CCDC200: variants seen among roughly 807,000 people sequenced by gnomAD.
The protein encoded by CCDC200 is coiled-coil domain containing 200.
At chr17:43,224,158 GCC>G (rs2057552123) in intron 2 of CCDC200, 74 bp downstream of exon 2, 1 of 152,780 alleles carries the variant, frequency 6.5e-6, no homozygotes, top group Non-Finnish European at 1.5e-5. Context: ...AGGATTTTCT[GCC>G]CACCCTGGAA....
chr17:43,223,302 C>G (rs1309789527), intron 3 of CCDC200, among the ~76,000 whole-genome samples: 2 of 132,554 alleles, frequency 1.5e-5, no homozygotes, highest in Non-Finnish European at 3.1e-5. Flanking sequence ...AAGCAATACT[C>G]CTGCCTCAGC....
chr17:43,225,491 C>T (rs1236828198), intron 1 of CCDC200, among the ~76,000 whole-genome samples: 2 of 148,148 alleles, frequency 1.3e-5, no homozygotes, highest in South Asian at 2.2e-4. Flanking sequence ...GGTGAAACCC[C>T]GTCTCTACTA....
chr17:43,222,851 C>T (rs922452751), intron 3 of CCDC200, among the ~76,000 whole-genome samples: 5 of 150,654 alleles, frequency 3.3e-5, no homozygotes, highest in African/African-American at 7.3e-5. Flanking sequence ...CTCACTGCAA[C>T]CTTTTCCTCC....
At position 43,222,242 on chromosome 17, in the gene CCDC200, T is replaced by C. The variant is rs895092164; in HGVS notation, c.481-645A>G. ...GTGCAGTGGTGTCATCCTGGCTCAC[T>C]GCAACCTCCACCTCCAGGGGTCAAG... On this transcript the variant is annotated intron_variant, in intron 3 of 3. Coordinates refer to ENST00000636331, the MANE Select transcript of CCDC200 (RefSeq NM_001363254.2). Among the ~76,000 whole-genome samples the C allele has an allele frequency of 2.0e-4, 31 of 151,294 alleles. 1 individual carries two copies. Among genetic ancestry groups the C allele is most frequent in the Non-Finnish European group, 3.0e-5 (2 of 67,754 alleles).
At chr17:43,226,197 T>G (rs2057568444) in intron 1 of CCDC200, 1 of 152,018 alleles carries the variant, frequency 6.6e-6, no homozygotes, top group South Asian at 2.1e-4. Context: ...AAAAATTAGC[T>G]AGGCATGGTG....
chr17:43,230,695 A>AAG (rs2057593117), upstream of CCDC200, among the ~76,000 whole-genome samples: 1 of 44,412 alleles, frequency 2.3e-5, no homozygotes, highest in Non-Finnish European at 6.3e-5. Context: ...AAAAAAAAAA[A>AAG]AAAGCATGGG....
chr17:43,226,282 A>G (rs1278963038), intron 1 of CCDC200: 1 of 152,238 alleles, frequency 6.6e-6, no homozygotes, highest in Non-Finnish European at 1.5e-5. Context: ...TCAAGGCTGC[A>G]GTGAGCTATG....
At position 43,223,239 on chromosome 17, in the gene CCDC200, TTTTTCAA is replaced by T. The variant is rs1339968097; in HGVS notation, c.480+310_480+316del. 1.8e-3 allele frequency among the ~76,000 whole-genome samples: 198 copies of T among 111,338 alleles called. 2 individuals are homozygous for T. Among genetic ancestry groups the T allele is most frequent in the Middle Eastern group, 8.1e-3 (2 of 246 alleles). 73.0% of individuals were successfully genotyped at this position (111,338 alleles called of 152,430 possible). Reference sequence around the variant, plus strand: ...GGCTTTTTTTCAATTTTTTTCAATTTTTTTCAATTTTTTTTTTTTTTTGGAGATGTCT... The same window carrying T: ...GGCTTTTTTTCAATTTTTTTCAATTTTTTTTTTTTTTTTTTGGAGATGTCT... On this transcript the variant is annotated intron_variant, in intron 3 of 3. Transcript: ENST00000636331.
intron 1 of CCDC200, chr17:43,226,141 G>T (rs1381039396): frequency 6.6e-6 from 1 of 152,114 alleles, no homozygotes; most frequent in African/African-American, 2.4e-5. Flanking sequence ...TTGAAGCTAG[G>T]AGTTTGAGGC....
intron 3 of CCDC200, among the ~76,000 whole-genome samples, chr17:43,223,199 G>A (rs189016526): frequency 4.0e-5 from 6 of 149,150 alleles, no homozygotes; most frequent in Admixed American, 3.4e-4. Flanking sequence ...TTATAGGCAT[G>A]AGCCCCACAC....
At chr17:43,226,233 C>T (rs1191496299) in intron 1 of CCDC200, 2 of 152,020 alleles carry the variant, frequency 1.3e-5, no homozygotes, top group Non-Finnish European at 2.9e-5. Context: ...CCCAGCTACT[C>T]AGGAGGCTGA....
chr17:43,222,910 C>A (rs549421014), intron 3 of CCDC200, among the ~76,000 whole-genome samples: 1 of 151,980 alleles, frequency 6.6e-6, no homozygotes, highest in African/African-American at 2.4e-5. Context: ...GCTGGGACTA[C>A]AGGCACATGC....
At chr17:43,222,776 T>G (rs934459720) in intron 3 of CCDC200, among the ~76,000 whole-genome samples, 2 of 147,402 alleles carry the variant, frequency 1.4e-5, no homozygotes, top group African/African-American at 2.5e-5. Flanking sequence ...TTTTTTCGTT[T>G]TTTTTTTTTT....
chr17:43,225,836 C>T (rs1433016706), intron 1 of CCDC200, among the ~76,000 whole-genome samples: 36 of 146,144 alleles, frequency 2.5e-4, no homozygotes, highest in Non-Finnish European at 4.4e-4. Context: ...TGAGTTCAAG[C>T]GATTCTCCTG....
chr17:43,222,289 C>T (rs1404182963), intron 3 of CCDC200, among the ~76,000 whole-genome samples: 1 of 151,492 alleles, frequency 6.6e-6, no homozygotes, highest in Non-Finnish European at 1.5e-5. Context: ...CCTCAGTCTC[C>T]CGAATAGCTG....
chr17:43,221,690 T>C lies in CCDC200; in HGVS notation c.481-93A>G, dbSNP rs568872845. 100 of 152,740 alleles carry C rather than the reference T, an allele frequency of 6.5e-4. 1 individual carries two copies. Among genetic ancestry groups the C allele is most frequent in the African/African-American group, 2.4e-3 (99 of 41,566 alleles). 9.5% of individuals were successfully genotyped at this position (152,740 alleles called of 1,614,324 possible). On this transcript the variant is annotated intron_variant, in intron 3 of 3. Coordinates refer to ENST00000636331, the MANE Select transcript of CCDC200 (RefSeq NM_001363254.2). Reference sequence around the variant, plus strand: ...TCCCTTGAGTCCAGAGGAATCAAAGTGAAATGTAGCAGCCCACTCTTCATC... The same window carrying C: ...TCCCTTGAGTCCAGAGGAATCAAAGCGAAATGTAGCAGCCCACTCTTCATC...
chr17:43,225,508 CA>C (rs1213680146), intron 1 of CCDC200, among the ~76,000 whole-genome samples: 1 of 147,272 alleles, frequency 6.8e-6, no homozygotes, highest in Non-Finnish European at 1.5e-5. Context: ...ACTAAAAATA[CA>C]AAAATTAGTT....
intron 1 of CCDC200, among the ~76,000 whole-genome samples, chr17:43,226,686 C>T (rs1033338717): frequency 2.0e-5 from 3 of 152,208 alleles, no homozygotes; most frequent in Admixed American, 2.0e-4. Flanking sequence ...AGCCACTGCA[C>T]CCAGCCTAAT....
intron 1 of CCDC200, among the ~76,000 whole-genome samples, chr17:43,227,042 G>A (rs780423679): frequency 4.6e-5 from 7 of 151,886 alleles, no homozygotes; most frequent in Non-Finnish European, 8.8e-5. Context: ...GCAACGGCGC[G>A]ATCTTGGCTC....
Sources: gnomAD v4.1 joint callset for allele counts (sites outside exome capture counted in the v4.1 genomes callset) on GRCh38, gnomAD v4.1.1 for gene constraint, MANE v1.5 for transcripts, NCBI Gene and HGNC (gene_info 2026-07-23, HGNC 2026-07-21) for gene names.